The following ELP3 variants were observed in gnomAD, a reference collection of about 807,000 sequenced individuals.
ELP3 encodes the protein elongator acetyltransferase complex subunit 3, also known as elongator complex protein 3.
In ELP3, 56 loss-of-function variants were observed where a neutral mutation model predicts 74.9. The observed-to-expected ratio is 0.75, with a 90% CI of 0.60 to 0.93. The LOEUF (loss-of-function observed/expected upper bound fraction) is 0.93, where lower values mean the gene tolerates loss of function less well. Ranked by LOEUF, ELP3 falls within the 40% of genes least tolerant of loss-of-function variation. The pLI is 0.00. For synonymous variants in ELP3, 222 were observed against 239.8 expected, an observed-to-expected ratio of 0.93 and a Z score of 0.68; for missense variants, 573 against 686.5, an observed-to-expected ratio of 0.83 and a Z score of 1.85.
chr8:28,124,722 C>A (rs1183929764), intron 7 of ELP3, among the ~76,000 whole-genome samples: 1 of 152,012 alleles, frequency 6.6e-6, no homozygotes, highest in East Asian at 1.9e-4. Flanking sequence ...AAACCTCAAA[C>A]AAAATGTTAT....
At chr8:28,132,550 G>A in intron 9 of ELP3, 146 bp downstream of exon 9, 1 of 1,053,052 alleles carries the variant, frequency 9.5e-7, no homozygotes, top group South Asian at 1.7e-5. Flanking sequence ...AGTAGGGTAA[G>A]AGACATCACC....
At chr8:28,164,249 G>A (rs930339313) in intron 14 of ELP3, among the ~76,000 whole-genome samples, 1 of 152,088 alleles carries the variant, frequency 6.6e-6, no homozygotes, top group Non-Finnish European at 1.5e-5. Context: ...TTTTATGAGC[G>A]GGGTGATTTC....
intron 14 of ELP3, among the ~76,000 whole-genome samples, chr8:28,170,206 T>A (rs902174858): frequency 6.6e-6 from 1 of 152,146 alleles, no homozygotes; most frequent in Non-Finnish European, 1.5e-5. Context: ...GGAAGTAAAT[T>A]CCATCTCTGT....
intron 7 of ELP3, among the ~76,000 whole-genome samples, chr8:28,127,784 G>C (rs916717282): frequency 6.6e-6 from 1 of 152,140 alleles, no homozygotes; most frequent in Non-Finnish European, 1.5e-5. Context: ...TAGTGACTTT[G>C]AACTAGTTGT....
intron 14 of ELP3, among the ~76,000 whole-genome samples, chr8:28,182,067 G>T (rs921268536): frequency 6.6e-6 from 1 of 152,250 alleles, no homozygotes; most frequent in South Asian, 2.1e-4. Flanking sequence ...TAGAGGAAAG[G>T]TATACTTATT....
At chr8:28,097,759 T>C (rs577477299) in intron 2 of ELP3, among the ~76,000 whole-genome samples, 13 of 152,340 alleles carry the variant, frequency 8.5e-5, no homozygotes, top group African/African-American at 2.6e-4. Flanking sequence ...CTAACATTTA[T>C]TGGGCACTTA....
chr8:28,171,092 G>A (rs149557286), intron 14 of ELP3, among the ~76,000 whole-genome samples: 1 of 152,146 alleles, frequency 6.6e-6, no homozygotes, highest in East Asian at 1.9e-4. Context: ...CCATCAGTCT[G>A]ATAGACATTT....
rs1563297756 is a variant in ELP3 at position 28,189,705 on chromosome 8, A to G, written c.1624A>G (p.Met542Val). 1 of 1,614,176 alleles carries G rather than the reference A, an allele frequency of 6.2e-7. No individual in the cohort carries two copies. Among genetic ancestry groups the G allele is most frequent in the Non-Finnish European group, 8.5e-7 (1 of 1,179,982 alleles). ...CGGCTACAGATTACAAGGCCCGTAC[A>G]TGGTGAAGATGCTGAAATAATGGCC... ...KIGYRLQGPY[M>V]VKMLK The change falls in exon 15 of 15, where the codon ATG (methionine) becomes GTG (valine). Residue 542 changes from methionine (M) to valine (V), a missense_variant. Met to Val is a conservative substitution (Grantham distance 21). Coordinates refer to ENST00000256398, the MANE Select transcript of ELP3 (RefSeq NM_018091.6).
At chr8:28,106,363 A>AC (rs1194896031) in intron 3 of ELP3, among the ~76,000 whole-genome samples, 1 of 151,088 alleles carries the variant, frequency 6.6e-6, no homozygotes, top group Non-Finnish European at 1.5e-5. Context: ...AAACGGTGAA[A>AC]CCCCGTCTCT....
intron 7 of ELP3, among the ~76,000 whole-genome samples, chr8:28,125,659 C>T (rs376004806): frequency 6.6e-6 from 1 of 151,802 alleles, no homozygotes; most frequent in African/African-American, 2.4e-5. Context: ...GTCAAAAGGT[C>T]GCTTTCTTCT....
chr8:28,189,574 G>A, intron 14 of ELP3, 75 bp from the exon 15 acceptor site: 2 of 1,440,166 alleles, frequency 1.4e-6, no homozygotes, highest in Non-Finnish European at 2.0e-6. Context: ...AGAGTGTAAG[G>A]CTGAGGGAAG....
chr8:28,097,513 C>T (rs770075515), intron 2 of ELP3, among the ~76,000 whole-genome samples, 195 bp downstream of exon 2: 5 of 151,498 alleles, frequency 3.3e-5, no homozygotes, highest in Admixed American at 6.6e-5. Context: ...TCTCCTGCCT[C>T]AGCCTCCTGA....
chr8:28,113,396 A>C (rs770912970), intron 7 of ELP3, among the ~76,000 whole-genome samples: 1 of 152,272 alleles, frequency 6.6e-6, no homozygotes, highest in Non-Finnish European at 1.5e-5. Context: ...TAAAGAAAAA[A>C]TGAATACAGT....
chr8:28,146,117 G>A (rs1386706539), intron 10 of ELP3, among the ~76,000 whole-genome samples: 2 of 151,630 alleles, frequency 1.3e-5, no homozygotes, highest in African/African-American at 4.9e-5. Context: ...ATACTTTTTA[G>A]TTTTATGACA....
intron 14 of ELP3, among the ~76,000 whole-genome samples, chr8:28,173,516 C>G (rs1814617407): frequency 6.6e-6 from 1 of 150,584 alleles, no homozygotes; most frequent in East Asian, 1.9e-4. Context: ...GTAAACATTG[C>G]TAGTTGATCT....
At chr8:28,156,486 T>C (rs1318206310) in intron 11 of ELP3, among the ~76,000 whole-genome samples, 6 of 152,148 alleles carry the variant, frequency 3.9e-5, no homozygotes, top group Non-Finnish European at 7.4e-5. Flanking sequence ...CTCACAGATA[T>C]TTACTAAACA....
At chr8:28,112,963 C>T in intron 6 of ELP3, 56 bp from the exon 7 acceptor site, 4 of 1,512,446 alleles carry the variant, frequency 2.6e-6, no homozygotes, top group Non-Finnish European at 3.6e-6. Context: ...GCAATGCCTT[C>T]TTAGAGTAGT....
rs533628313 is a variant in ELP3, at chr8:28,104,023, C to G, written c.259-2690C>G. Among the ~76,000 whole-genome samples, 43 of 152,296 alleles carry G rather than the reference C, an allele frequency of 2.8e-4. 1 individual carries two copies. Among genetic ancestry groups the G allele is most frequent in the Admixed American group, 1.7e-3 (26 of 15,292 alleles). On this transcript the variant is annotated intron_variant, in intron 3 of 14. Coordinates refer to ENST00000256398, the MANE Select transcript of ELP3 (RefSeq NM_018091.6). ...TGATTATAGGCGTGAGCTATGGTGC[C>G]CAGCCAGTGTTTTGGATTTTAGCCA...
rs1430536147 is a variant in ELP3 at position 28,097,216 on chromosome 8, C to T, written c.20-3C>T. The T allele has an allele frequency of 6.3e-7, 1 of 1,588,428 alleles. No homozygotes were observed. ...TTGACATTGTTGAATATTAACTTTC[C>T]AGGAGATCTCAGCCCTGCTGAGCTG... On this transcript the variant is annotated splice_polypyrimidine_tract_variant and splice_region_variant and intron_variant, in intron 1 of 14. Transcript: ENST00000256398.
Sources: allele counts gnomAD v4.1 joint callset (sites outside exome capture counted in the v4.1 genomes callset), GRCh38; gene constraint gnomAD v4.1.1; transcripts MANE v1.5; gene names NCBI Gene and HGNC (gene_info 2026-07-23, HGNC 2026-07-21).